Variants in RASSF4 observed in about 807,000 individuals in gnomAD.
RASSF4 encodes Ras association domain family member 4.
A neutral mutation model predicts 41.1 loss-of-function variants in RASSF4; 38 were observed. That is an observed-to-expected ratio of 0.92 (90% CI 0.71 to 1.21). The LOEUF (loss-of-function observed/expected upper bound fraction) is 1.21. RASSF4 is among the 50% of genes most tolerant of loss of function. The probability of loss-of-function intolerance (pLI) is 0.00; values close to 1 mark genes in which losing one functional copy is unlikely to be tolerated. For missense variants in RASSF4, 414 were observed against 419.4 expected, an observed-to-expected ratio of 0.99 and a Z score of 0.11; for synonymous variants, 179 against 163.4, an observed-to-expected ratio of 1.10 and a Z score of -0.73.
At chr10:44,972,175 C>G (rs922907237) in intron 3 of RASSF4, among the ~76,000 whole-genome samples, 3 of 152,114 alleles carry the variant, frequency 2.0e-5, no homozygotes, top group Non-Finnish European at 2.9e-5. Context: ...ACAGGTCCGT[C>G]CTCAGCCCAT....
chr10:44,968,279 G>C (rs1441888626), intron 1 of RASSF4, among the ~76,000 whole-genome samples: 1 of 152,194 alleles, frequency 6.6e-6, no homozygotes, highest in South Asian at 2.1e-4. Flanking sequence ...TACCCAGAGA[G>C]GGGGGCAGAT....
At chr10:44,980,403 C>T (rs1841656417) in intron 3 of RASSF4, among the ~76,000 whole-genome samples, 1 of 152,222 alleles carries the variant, frequency 6.6e-6, no homozygotes, top group South Asian at 2.1e-4. Flanking sequence ...TCGCTGCTGG[C>T]TGACGGGGCT....
chr10:44,991,837 T>C, intron 9 of RASSF4, 68 bp from the exon 10 acceptor site: 2 of 1,131,830 alleles, frequency 1.8e-6, no homozygotes, highest in Non-Finnish European at 2.6e-6. Context: ...TATGGAAGCC[T>C]TGAGGAAAAG....
chr10:44,995,423 C>T lies in RASSF4; in HGVS notation c.*2094C>T, dbSNP rs2132812335. On this transcript the variant is annotated 3_prime_UTR_variant, in exon 11 of 11. Coordinates refer to ENST00000340258, the MANE Select transcript of RASSF4 (RefSeq NM_032023.4). ...CCTGCCAGCTAGGAGCAGGCCAGGT[C>T]CTGGCACACAGGAAGCCAGTGGAGC... 6.6e-6 allele frequency: 1 copy of T among 152,380 alleles called. No individual in the cohort carries two copies. Among genetic ancestry groups the T allele is most frequent in the East Asian group, 1.9e-4 (1 of 5,180 alleles). 9.4% of individuals were successfully genotyped at this position (152,380 alleles called of 1,614,324 possible).
chr10:44,993,248 C>T (rs1842186586), intron 10 of RASSF4, 21 bp from the exon 11 acceptor site: 1 of 1,609,272 alleles, frequency 6.2e-7, no homozygotes, highest in Admixed American at 1.7e-5. Context: ...AGTGAGTCCT[C>T]TTGGCGATGT....
chr10:44,975,075 G>C (rs1023698985), intron 3 of RASSF4, among the ~76,000 whole-genome samples: 2 of 151,952 alleles, frequency 1.3e-5, no homozygotes, highest in Admixed American at 1.3e-4. Context: ...ACTGTGTGCC[G>C]GCCCCGCCCG....
At position 44,989,256 on chromosome 10, in the gene RASSF4, T is replaced by A. The variant is rs1564467406; in HGVS notation, c.532-18T>A. On this transcript the variant is annotated intron_variant, in intron 6 of 10. Transcript: ENST00000340258. ...CCCCTCTGGGCCTGACCTGAACTTC[T>A]CTCCCTTCCTGGTACAGACCTCCGT... The A allele has an allele frequency of 6.4e-7, 1 of 1,565,382 alleles. No homozygotes were observed. Among genetic ancestry groups the A allele is most frequent in the Non-Finnish European group, 8.8e-7 (1 of 1,136,596 alleles).
chr10:44,992,019 CA>C lies in RASSF4; in HGVS notation c.905+18del, dbSNP rs1564469836. The C allele has an allele frequency of 3.3e-6, 5 of 1,524,320 alleles. No homozygotes were observed. The Admixed American group carries it at 8.4e-5, about 25-fold the overall frequency. The allele number at this position is 1,524,320 out of a possible 1,614,324, so 94.4% of individuals were successfully genotyped here. On this transcript the variant is annotated intron_variant, in intron 10 of 10. Transcript: ENST00000340258. The stretch of plus-strand genomic sequence containing the variant: ...GACCATGAAGTAAGCAGCACTTAAA[CA>C]GACAGTCATGGGTCCTGAACATCAG...
chr10:44,989,817 A>C (rs1842046507), intron 8 of RASSF4, 96 bp downstream of exon 8: 2 of 1,110,192 alleles, frequency 1.8e-6, no homozygotes, highest in Admixed American at 3.4e-5. Context: ...ACTCCCTTCC[A>C]GATGGGCTCC....
At position 44,990,981 on chromosome 10, in the gene RASSF4, T is replaced by C; in HGVS notation, c.719T>C (p.Leu240Pro). ...RTKLKDCEYP[L>P]ISRILHGPCE... ...AAATTAAAAGACTGCGAGTACCCGC[T>C]GATTTCCAGAATCCTGCATGGGCCA... Residue 240 changes from leucine (L) to proline (P), a missense_variant, in exon 9 of 11, where the codon CTG becomes CCG. Leu to Pro is a moderately conservative substitution (Grantham distance 98). Coordinates refer to ENST00000340258, the MANE Select transcript of RASSF4 (RefSeq NM_032023.4). The C allele has an allele frequency of 6.2e-7, 1 of 1,613,804 alleles. No individual in the cohort carries two copies. Among genetic ancestry groups the C allele is most frequent in the Non-Finnish European group, 8.5e-7 (1 of 1,179,712 alleles).
At chr10:44,971,654 C>A (rs763253373) in intron 2 of RASSF4, 119 bp from the exon 3 acceptor site, 4 of 825,998 alleles carry the variant, frequency 4.8e-6, no homozygotes, top group Non-Finnish European at 8.6e-6. Context: ...GCCTGGCCGG[C>A]GAGAAGGGTG....
At chr10:44,990,911 A>T (rs1184323245) in intron 8 of RASSF4, 37 bp from the exon 9 acceptor site, 32 of 1,602,228 alleles carry the variant, frequency 2.0e-5, no homozygotes, top group Non-Finnish European at 2.5e-5. Context: ...GGTGATCCTA[A>T]TCTCCCGTGA....
At chr10:44,976,806 C>G (rs543041397) in intron 3 of RASSF4, 1 of 152,742 alleles carries the variant, frequency 6.5e-6, no homozygotes, top group South Asian at 2.1e-4. Flanking sequence ...TGAGTTGTAG[C>G]CAGCAGAGTG....
chr10:44,977,195 G>T, intron 3 of RASSF4: 1 of 639,076 alleles, frequency 1.6e-6, no homozygotes, highest in Non-Finnish European at 2.6e-6. Flanking sequence ...GAACGGGATT[G>T]GTAACATCTC....
At chr10:44,990,742 C>G (rs1196339105) in intron 8 of RASSF4, 1 of 476,918 alleles carries the variant, frequency 2.1e-6, no homozygotes, top group Non-Finnish European at 3.8e-6. Flanking sequence ...TCCACTTAAT[C>G]CTTATGCCAA....
chr10:44,984,918 A>G lies in RASSF4; in HGVS notation c.479A>G (p.Gln160Arg). 3 of 1,613,468 alleles carry G rather than the reference A, an allele frequency of 1.9e-6. No individual in the cohort carries two copies. Among genetic ancestry groups the G allele is most frequent in the Non-Finnish European group, 2.5e-6 (3 of 1,180,006 alleles). ...RPKCRAPGEAQRIRRHRFSIN... is the reference protein window; with the variant it reads ...RPKCRAPGEARRIRRHRFSIN... ...AAGTGCCGCGCCCCCGGTGAGGCCC[A>G]GCGCATCCGGCGACACCGGTTCTCT... The change falls in exon 6 of 11, where the codon CAG (glutamine) becomes CGG (arginine). Residue 160 changes from glutamine to arginine, a missense_variant. Gln to Arg is a conservative substitution (Grantham distance 43). Coordinates refer to ENST00000340258, the MANE Select transcript of RASSF4 (RefSeq NM_032023.4).
At chr10:44,986,442 G>T (rs535517102) in intron 6 of RASSF4, among the ~76,000 whole-genome samples, 8 of 152,362 alleles carry the variant, frequency 5.3e-5, no homozygotes, top group African/African-American at 1.9e-4. Flanking sequence ...ACACTATCAA[G>T]AAGAGCTACT....
intron 3 of RASSF4, chr10:44,976,491 C>G (rs1841432323): frequency 6.6e-6 from 1 of 152,382 alleles, no homozygotes; most frequent in Non-Finnish European, 1.5e-5. Flanking sequence ...TCTCTCTGTC[C>G]CTTCACCTCT....
chr10:44,989,601 CAG>C (rs1363702362), intron 7 of RASSF4, 67 bp from the exon 8 acceptor site: 5 of 1,418,738 alleles, frequency 3.5e-6, no homozygotes, highest in Non-Finnish European at 5.0e-6. Flanking sequence ...TAGTTACTGT[CAG>C]GGGACCCTCT....
Sources: gnomAD v4.1 joint callset for allele counts (sites outside exome capture counted in the v4.1 genomes callset) on GRCh38, gnomAD v4.1.1 for gene constraint, MANE v1.5 for transcripts, NCBI Gene and HGNC (gene_info 2026-07-23, HGNC 2026-07-21) for gene names.